The following SEMA3A variants were observed in gnomAD, a reference collection of about 807,000 sequenced individuals.
SEMA3A encodes semaphorin-3A.
In SEMA3A, 29 loss-of-function variants were observed where a neutral mutation model predicts 97.9. The ratio of observed to expected loss-of-function variants is 0.30; its 90% confidence interval spans 0.22 to 0.40. The LOEUF (loss-of-function observed/expected upper bound fraction) is 0.40. Ranked by LOEUF, SEMA3A falls within the 10% of genes least tolerant of loss-of-function variation. SEMA3A has a pLI of 1.00. For synonymous variants in SEMA3A, 321 were observed against 323.7 expected (o/e 0.99, Z 0.09); for missense variants, 763 against 951.3 (o/e 0.80, Z 2.60).
chr7:84,239,059 T>G (rs2116374847), intron 3 of SEMA3A, among the ~76,000 whole-genome samples: 1 of 152,136 alleles, frequency 6.6e-6, no homozygotes, highest in African/African-American at 2.4e-5. Flanking sequence ...ACCTAAAAAC[T>G]TAAAGAATGT....
At chr7:83,998,399 A>T (rs1297688631) in intron 12 of SEMA3A, among the ~76,000 whole-genome samples, 1 of 152,190 alleles carries the variant, frequency 6.6e-6, no homozygotes, top group African/African-American at 2.4e-5. Context: ...AAAGTATGGT[A>T]GAAAAGATTT....
At chr7:84,487,173 A>G (rs1226516294) in intron 1 of SEMA3A, among the ~76,000 whole-genome samples, 1 of 152,196 alleles carries the variant, frequency 6.6e-6, no homozygotes, top group Non-Finnish European at 1.5e-5. Flanking sequence ...ATTTAATATT[A>G]AGCAGGGCTA....
chr7:83,969,927 A>G (rs555540767), intron 15 of SEMA3A, among the ~76,000 whole-genome samples: 1 of 152,194 alleles, frequency 6.6e-6, no homozygotes. Context: ...GGGCTTCCAG[A>G]AAGAAAGCAA....
intron 14 of SEMA3A, among the ~76,000 whole-genome samples, chr7:83,980,498 G>A (rs1172431199): frequency 8.0e-5 from 12 of 150,032 alleles, no homozygotes; most frequent in Non-Finnish European, 1.2e-4. Flanking sequence ...CCAGCTACTC[G>A]GGAGGGTGAG....
In SEMA3A at chr7:84,473,470, T is replaced by A. The variant is rs945609114; in HGVS notation, c.-246+18990A>T. The stretch of plus-strand genomic sequence containing the variant: ...AGTGCAGTGGCACATTCTCGGCTCA[T>A]TGCAACTTCTGCCTCCCTGGTTTAA... On this transcript the variant is annotated intron_variant, in intron 1 of 3. Transcript: ENST00000424555. Among the ~76,000 whole-genome samples, 3 of 151,558 alleles carry A rather than the reference T, an allele frequency of 2.0e-5. No individual in the cohort carries two copies. The South Asian group carries it at 6.2e-4, about 32-fold the overall frequency.
rs1794619659 is a variant in SEMA3A at position 84,092,049 on chromosome 7, A to G, written c.453+18421T>C. ...GTATCAGAGTATCAGAATACTCTTG[A>G]GTATTAATGAATTAATGTTATACAT... is the stretch of plus-strand genomic sequence containing the variant. On this transcript the variant is annotated intron_variant, in intron 4 of 16. Coordinates refer to ENST00000265362, the MANE Select transcript of SEMA3A (RefSeq NM_006080.3). Among the ~76,000 whole-genome samples the G allele has an allele frequency of 3.3e-5, 5 of 152,310 alleles. No individual in the cohort carries two copies. In the South Asian group the frequency reaches 1.0e-3, roughly 32 times the overall value.
intron 15 of SEMA3A, among the ~76,000 whole-genome samples, chr7:83,974,908 C>T (rs533324771): frequency 7.0e-4 from 106 of 152,202 alleles, no homozygotes; most frequent in African/African-American, 2.5e-3. Context: ...AACCCTCCCC[C>T]AAAAGACCCT....
At chr7:84,024,561 C>T (rs968598457) in intron 6 of SEMA3A, among the ~76,000 whole-genome samples, 1 of 151,846 alleles carries the variant, frequency 6.6e-6, no homozygotes, top group Non-Finnish European at 1.5e-5. Flanking sequence ...CCCAATGCCC[C>T]CCCACAATAA....
At chr7:84,198,707 C>T (rs566938644), upstream of SEMA3A, among the ~76,000 whole-genome samples, 10 of 152,180 alleles carry the variant, frequency 6.6e-5, no homozygotes, top group Non-Finnish European at 1.2e-4. Flanking sequence ...CGTGGAGTTA[C>T]ATTTCAGCAG....
At chr7:83,983,591 AATT>A (rs1789512271) in intron 13 of SEMA3A, among the ~76,000 whole-genome samples, 1 of 152,132 alleles carries the variant, frequency 6.6e-6, no homozygotes, top group Non-Finnish European at 1.5e-5. Flanking sequence ...TAGCAGCTGA[AATT>A]ATTATGATGA....
chr7:84,363,436 G>A (rs2116073562), intron 2 of SEMA3A, among the ~76,000 whole-genome samples: 1 of 151,978 alleles, frequency 6.6e-6, no homozygotes, highest in African/African-American at 2.4e-5. Context: ...TTTGGTGCAT[G>A]TTCTTTCAAT....
chr7:84,362,371 T>A (rs1379321780), intron 2 of SEMA3A, among the ~76,000 whole-genome samples: 1 of 152,028 alleles, frequency 6.6e-6, no homozygotes, highest in African/African-American at 2.4e-5. Context: ...ACAATAAATG[T>A]TCAACGATTG....
intron 1 of SEMA3A, among the ~76,000 whole-genome samples, chr7:84,399,322 C>T (rs1803833259): frequency 6.6e-6 from 1 of 152,138 alleles, no homozygotes; most frequent in Non-Finnish European, 1.5e-5. Context: ...ACTAAAGTGA[C>T]CTTGAGCCTT....
chr7:84,000,903 A>G (rs1790417009), intron 12 of SEMA3A, among the ~76,000 whole-genome samples: 1 of 152,106 alleles, frequency 6.6e-6, no homozygotes, highest in African/African-American at 2.4e-5. Context: ...TCTTGGGAAA[A>G]CTGCTTACCA....
intron 1 of SEMA3A, among the ~76,000 whole-genome samples, chr7:84,446,329 G>T (rs1335110278): frequency 6.6e-6 from 1 of 152,062 alleles, no homozygotes; most frequent in Admixed American, 6.5e-5. Flanking sequence ...ATTCTATGAG[G>T]CCAGTGTTAT....
chr7:84,252,901 CAG>C (rs1799640931), intron 3 of SEMA3A, among the ~76,000 whole-genome samples: 1 of 151,850 alleles, frequency 6.6e-6, no homozygotes, highest in South Asian at 2.1e-4. Context: ...TTTTTTGAGA[CAG>C]AGTCTCACTC....
chr7:84,059,761 T>C (rs556631523), intron 5 of SEMA3A, among the ~76,000 whole-genome samples: 20 of 151,360 alleles, frequency 1.3e-4, no homozygotes, highest in Non-Finnish European at 7.4e-5. Context: ...ATGCTCAAAA[T>C]TTAAAAAATA....
chr7:84,144,315 T>C (rs1436392437), intron 1 of SEMA3A, among the ~76,000 whole-genome samples: 2 of 151,936 alleles, frequency 1.3e-5, no homozygotes, highest in African/African-American at 4.8e-5. Context: ...TTCACTAAAA[T>C]GTAAATGAAG....
At chr7:84,055,410 G>T (rs1373261694) in intron 5 of SEMA3A, among the ~76,000 whole-genome samples, 3 of 152,200 alleles carry the variant, frequency 2.0e-5, no homozygotes, top group Non-Finnish European at 2.9e-5. Flanking sequence ...CTCCTGGTGC[G>T]CCGTTTTTTA....
Sources: gnomAD v4.1 joint callset for allele counts (sites outside exome capture counted in the v4.1 genomes callset) on GRCh38, gnomAD v4.1.1 for gene constraint, MANE v1.5 for transcripts, NCBI Gene and HGNC (gene_info 2026-07-23, HGNC 2026-07-21) for gene names.